Variants in STRN observed in about 807,000 individuals in gnomAD.
STRN encodes protein phosphatase 2 regulatory subunit B'''alpha.
Under a neutral mutation model 96.3 loss-of-function variants are expected in STRN, and 53 were observed. The ratio of observed to expected loss-of-function variants is 0.55; its 90% CI spans 0.44 to 0.69. The LOEUF (loss-of-function observed/expected upper bound fraction) is 0.69. STRN is among the 30% of genes least tolerant of loss of function. The probability of loss-of-function intolerance (pLI) is 0.00; values close to 1 mark genes in which losing one functional copy is unlikely to be tolerated. For synonymous variants in STRN, 428 were observed against 355.9 expected, an observed-to-expected ratio of 1.20 and a Z score of -2.28; for missense variants, 987 against 963.9, an observed-to-expected ratio of 1.02 and a Z score of -0.32.
At chr2:36,873,851 G>A (rs543438890) in intron 10 of STRN, among the ~76,000 whole-genome samples, 2 of 151,900 alleles carry the variant, frequency 1.3e-5, no homozygotes, top group African/African-American at 2.4e-5. Context: ...GCTGAGGCAG[G>A]AGAATTGCTT....
intron 10 of STRN, among the ~76,000 whole-genome samples, chr2:36,874,546 A>G (rs1278531221): frequency 6.6e-6 from 1 of 152,110 alleles, no homozygotes; most frequent in Non-Finnish European, 1.5e-5. Flanking sequence ...TAAAGATTTA[A>G]GAACTTCAAG....
intron 3 of STRN, among the ~76,000 whole-genome samples, chr2:36,909,081 A>C (rs1211327217): frequency 6.6e-6 from 1 of 150,796 alleles, no homozygotes; most frequent in South Asian, 2.1e-4. Context: ...ATTTGAACCA[A>C]GGAGGCGAAG....
At chr2:36,884,098 G>A (rs377325624) in intron 8 of STRN, 23 bp from the exon 9 acceptor site, 11 of 1,316,860 alleles carry the variant, frequency 8.4e-6, no homozygotes, top group Middle Eastern at 2.0e-4. Context: ...AGGGGGGGTG[G>A]GAGGAGATAA....
At chr2:36,873,567 TTAA>T (rs960633394) in intron 10 of STRN, among the ~76,000 whole-genome samples, 1 of 151,598 alleles carries the variant, frequency 6.6e-6, no homozygotes, top group African/African-American at 2.4e-5. Context: ...CTCAAAAAAA[TTAA>T]TAATAATAAT....
intron 1 of STRN, among the ~76,000 whole-genome samples, chr2:36,949,110 T>C (rs1359740864): frequency 6.6e-6 from 1 of 152,202 alleles, no homozygotes; most frequent in African/African-American, 2.4e-5. Context: ...TATGTTTAGA[T>C]ACACAAATAT....
rs978205958 is a variant in STRN, at chr2:36,847,679, T to C, written c.*1777A>G. 2.0e-5 allele frequency: 3 copies of C among 152,074 alleles called. No individual in the cohort carries two copies. The highest frequency in any genetic ancestry group is 7.2e-5 in the African/African-American group (3 of 41,432). The allele number at this position is 152,074 out of a possible 1,614,324, so 9.4% of individuals were successfully genotyped here. ...AAATCAGGCAAATTTAGCACAAGTC[T>C]CTAGCTTTAAAGAAAATTTGCCTGT... is the stretch of plus-strand genomic sequence containing the variant. On this transcript the variant is annotated 3_prime_UTR_variant, in exon 18 of 18. Coordinates refer to ENST00000263918, the MANE Select transcript of STRN (RefSeq NM_003162.4).
At chr2:36,932,745 G>A (rs1462601872) in intron 1 of STRN, among the ~76,000 whole-genome samples, 4 of 152,056 alleles carry the variant, frequency 2.6e-5, no homozygotes, top group Non-Finnish European at 5.9e-5. Flanking sequence ...AATGCTATAG[G>A]AGATACTGGT....
intron 10 of STRN, among the ~76,000 whole-genome samples, chr2:36,876,945 T>C (rs916721745): frequency 6.6e-6 from 1 of 152,106 alleles, no homozygotes; most frequent in African/African-American, 2.4e-5. Context: ...AGACGGGTTT[T>C]CACCGTGTGA....
chr2:36,883,396 G>A (rs1170896197), intron 9 of STRN, among the ~76,000 whole-genome samples: 1 of 152,188 alleles, frequency 6.6e-6, no homozygotes, highest in Non-Finnish European at 1.5e-5. Context: ...GGTGGAGGTT[G>A]TAGCGAGCCA....
chr2:36,894,847 T>G (rs1415908523), intron 6 of STRN, among the ~76,000 whole-genome samples: 1 of 152,178 alleles, frequency 6.6e-6, no homozygotes, highest in Non-Finnish European at 1.5e-5. Context: ...AACACGTGAC[T>G]TGTATGGCCC....
intron 6 of STRN, among the ~76,000 whole-genome samples, chr2:36,895,219 CG>C (rs1016408791): frequency 7.3e-5 from 11 of 151,602 alleles, no homozygotes; most frequent in African/African-American, 2.4e-4. Context: ...CCCAGCTACT[CG>C]GGAGGCTGAG....
At chr2:36,887,157 G>GAA (rs1346853571) in intron 7 of STRN, among the ~76,000 whole-genome samples, 1 of 151,462 alleles carries the variant, frequency 6.6e-6, no homozygotes, top group Non-Finnish European at 1.5e-5. Flanking sequence ...GGCCAGGTGG[G>GAA]GTGGCTCACG....
chr2:36,895,220 G>A (rs1250851019), intron 6 of STRN, among the ~76,000 whole-genome samples: 8 of 151,824 alleles, frequency 5.3e-5, no homozygotes, highest in Non-Finnish European at 8.8e-5. Context: ...CCAGCTACTC[G>A]GGAGGCTGAG....
chr2:36,965,640 G>C (rs981992402), intron 1 of STRN, among the ~76,000 whole-genome samples: 1 of 152,186 alleles, frequency 6.6e-6, no homozygotes, highest in Non-Finnish European at 1.5e-5. Context: ...AAACGTGGGA[G>C]GGGGCCGGGG....
At chr2:36,869,053 C>T (rs1668699965) in intron 11 of STRN, among the ~76,000 whole-genome samples, 1 of 152,138 alleles carries the variant, frequency 6.6e-6, no homozygotes, top group South Asian at 2.1e-4. Context: ...GCCTCTGAGT[C>T]TAGACATATT....
At chr2:36,952,291 T>C (rs1312019438) in intron 1 of STRN, among the ~76,000 whole-genome samples, 1 of 152,156 alleles carries the variant, frequency 6.6e-6, no homozygotes, top group African/African-American at 2.4e-5. Flanking sequence ...TTCTGCTTTG[T>C]AATACAAGCT....
At chr2:36,909,139 G>C (rs1395551241) in intron 3 of STRN, among the ~76,000 whole-genome samples, 1 of 141,444 alleles carries the variant, frequency 7.1e-6, no homozygotes, top group Admixed American at 7.4e-5. Context: ...CTGGGCAACA[G>C]AGCTAGAGAC....
chr2:36,854,672 T>G (rs1261896343), intron 15 of STRN, among the ~76,000 whole-genome samples: 1 of 152,204 alleles, frequency 6.6e-6, no homozygotes, highest in Non-Finnish European at 1.5e-5. Context: ...TTGTCTAGAT[T>G]ATGGCTAACG....
chr2:36,898,826 T>G (rs1212540792), intron 6 of STRN, among the ~76,000 whole-genome samples: 1 of 151,780 alleles, frequency 6.6e-6, no homozygotes, highest in Non-Finnish European at 1.5e-5. Context: ...AAGTGAAACA[T>G]GTCCTCATAT....
Sources: gnomAD v4.1 joint callset for allele counts (sites outside exome capture counted in the v4.1 genomes callset) on GRCh38, gnomAD v4.1.1 for gene constraint, MANE v1.5 for transcripts, NCBI Gene and HGNC (gene_info 2026-07-23, HGNC 2026-07-21) for gene names.